Variants in FAM228B observed in about 807,000 individuals in gnomAD.
FAM228B encodes the protein family with sequence similarity 228 member B.
Under a neutral mutation model 42.6 loss-of-function variants are expected in FAM228B, and 38 were observed. The ratio of observed to expected loss-of-function variants is 0.89; its 90% CI spans 0.69 to 1.17. The LOEUF (loss-of-function observed/expected upper bound fraction) is 1.17, where lower values mean the gene tolerates loss of function less well. FAM228B is among the 50% of genes most tolerant of loss of function. The probability of loss-of-function intolerance (pLI) is 0.00; values close to 1 mark genes in which losing one functional copy is unlikely to be tolerated. For missense variants in FAM228B, 344 were observed against 367.3 expected (o/e 0.94, Z 0.52); for synonymous variants, 109 against 122.3 (o/e 0.89, Z 0.72).
intron 2 of FAM228B, chr2:24,087,239 CTCTTTCTT>C (rs1319624851): frequency 6.6e-6 from 1 of 152,070 alleles, no homozygotes; most frequent in Non-Finnish European, 1.5e-5. Flanking sequence ...GAATAAACAT[CTCTTTCTT>C]TCTTTTGTTT....
intron 5 of FAM228B, chr2:24,142,646 T>A (rs1377166512): frequency 6.6e-6 from 1 of 152,232 alleles, no homozygotes; most frequent in East Asian, 1.9e-4. Context: ...ACTATAGTTA[T>A]TAAGTCTTGG....
chr2:24,113,201 C>A (rs150466032), intron 3 of FAM228B, among the ~76,000 whole-genome samples: 14 of 152,212 alleles, frequency 9.2e-5, no homozygotes, highest in African/African-American at 2.9e-4. Flanking sequence ...AACAATACAT[C>A]TAAATACACT....
At chr2:24,102,292 A>G (rs1364771955) in intron 3 of FAM228B, among the ~76,000 whole-genome samples, 1 of 152,220 alleles carries the variant, frequency 6.6e-6, no homozygotes, top group African/African-American at 2.4e-5. Context: ...GACTTATCAA[A>G]TGCTTATTAA....
intron 2 of FAM228B, among the ~76,000 whole-genome samples, chr2:24,125,226 G>A (rs2339945): frequency 0.31 from 46,838 of 151,778 alleles, 7,650 homozygotes; most frequent in South Asian, 0.43. Flanking sequence ...ACAAACGAAC[G>A]AACAATAATA....
intron 2 of FAM228B, among the ~76,000 whole-genome samples, chr2:24,090,955 T>TTTTG (rs1022109601): frequency 6.6e-6 from 1 of 152,112 alleles, no homozygotes; most frequent in African/African-American, 2.4e-5. Context: ...CCCAGATAGT[T>TTTTG]TTTGTTTGTT....
At chr2:24,079,344 A>T (rs879107206) in intron 1 of FAM228B, 2 of 1,316,360 alleles carry the variant, frequency 1.5e-6, no homozygotes, top group South Asian at 2.9e-5. Context: ...ATAGAAACTA[A>T]CCTCCGTAAT....
chr2:24,117,824 TAAAGG>T (rs1225849751), intron 3 of FAM228B, among the ~76,000 whole-genome samples: 1 of 151,848 alleles, frequency 6.6e-6, no homozygotes, highest in Non-Finnish European at 1.5e-5. Context: ...TAAAAAGGAG[TAAAGG>T]AAACAAAAGT....
intron 5 of FAM228B, among the ~76,000 whole-genome samples, chr2:24,140,737 G>T (rs1666722746): frequency 6.6e-6 from 1 of 151,866 alleles, no homozygotes; most frequent in South Asian, 2.1e-4. Flanking sequence ...CAAGGCGGGT[G>T]GATCACCTGA....
chr2:24,142,030 G>A (rs1666764057), intron 5 of FAM228B, among the ~76,000 whole-genome samples: 1 of 152,230 alleles, frequency 6.6e-6, no homozygotes, highest in African/African-American at 2.4e-5. Flanking sequence ...CCCATGTCTG[G>A]CAGAGACTCC....
intron 2 of FAM228B, among the ~76,000 whole-genome samples, chr2:24,127,903 T>A (rs1012117306): frequency 2.0e-5 from 3 of 152,178 alleles, no homozygotes; most frequent in African/African-American, 7.2e-5. Context: ...CCTCAAGTGA[T>A]CCGCCTGCCT....
rs34362184 is a variant in FAM228B, at chr2:24,084,578, A to G, written c.-210+3623A>G. Reference sequence around the variant, plus strand: ...CGCCTCCAGACCGATCCCACCCGGAACACAGATGGGAACGGCGGGAAGTGG... The same window carrying G: ...CGCCTCCAGACCGATCCCACCCGGAGCACAGATGGGAACGGCGGGAAGTGG... On this transcript the variant is annotated intron_variant, in intron 2 of 10. Transcript: ENST00000613899. The surrounding 1 kb of genome is among the most constrained non-coding windows in gnomAD (Gnocchi z 8.4). 2.3e-6 allele frequency: 1 copy of G among 439,884 alleles called. No homozygotes were observed. The highest frequency in any genetic ancestry group is 3.8e-5 in the East Asian group (1 of 26,164). 27.2% of individuals were successfully genotyped at this position (439,884 alleles called of 1,614,324 possible).
Position 24,083,610 on chromosome 2 carries a change from G to C in FAM228B, c.-210+2655G>C, listed in dbSNP as rs552309888. Among the ~76,000 whole-genome samples, 4 of 152,288 alleles carry C rather than the reference G, an allele frequency of 2.6e-5. No homozygotes were observed. The South Asian group carries it at 8.3e-4, about 32-fold the overall frequency. On this transcript the variant is annotated intron_variant, in intron 2 of 10. Transcript: ENST00000613899. ...GTACACGTGCCTGGGCCCCCATCAC[G>C]TTTCTTTTGTGCCCCGGGGGATTCT...
At chr2:24,087,287 C>A (rs533820015) in intron 2 of FAM228B, 1 of 152,266 alleles carries the variant, frequency 6.6e-6, no homozygotes, top group East Asian at 1.9e-4. Flanking sequence ...TGCTACGTTG[C>A]CCAGGCTGAT....
upstream of FAM228B, among the ~76,000 whole-genome samples, chr2:24,120,618 C>T (rs780019842): frequency 3.3e-5 from 5 of 152,048 alleles, no homozygotes; most frequent in African/African-American, 4.8e-5. Context: ...TGCAATGGCA[C>T]GATCTCGGCT....
At chr2:24,108,857 C>T (rs146427465) in intron 3 of FAM228B, among the ~76,000 whole-genome samples, 5 of 149,650 alleles carry the variant, frequency 3.3e-5, no homozygotes, top group East Asian at 3.9e-4. Flanking sequence ...GCCGAGATTG[C>T]GCCACTGCAT....
At chr2:24,114,644 G>A (rs185892127) in intron 3 of FAM228B, among the ~76,000 whole-genome samples, 1 of 152,250 alleles carries the variant, frequency 6.6e-6, no homozygotes, top group East Asian at 1.9e-4. Flanking sequence ...AGTAGTCGAA[G>A]GTGGTCTCTC....
chr2:24,167,917 A>T, intron 10 of FAM228B: 1 of 436,738 alleles, frequency 2.3e-6, no homozygotes, highest in Non-Finnish European at 4.2e-6. Context: ...CTTCCAAGTG[A>T]TCTTCAGAGA....
chr2:24,091,310 G>T (rs529352488), intron 2 of FAM228B, among the ~76,000 whole-genome samples: 29 of 152,340 alleles, frequency 1.9e-4, no homozygotes, highest in African/African-American at 6.5e-4. Flanking sequence ...GCGGGCGCCA[G>T]TAGTCCCAGC....
In FAM228B at chr2:24,127,905, C is replaced by T. The variant is rs530209143; in HGVS notation, c.99+3445C>T. ...CTTGAACTCCTGGCCTCAAGTGATC[C>T]GCCTGCCTTGGCCTCCCAAAGTGAT... On this transcript the variant is annotated intron_variant, in intron 2 of 10. Coordinates refer to ENST00000615575, the MANE Select transcript of FAM228B (RefSeq NM_001145710.2). 7.2e-5 allele frequency among the ~76,000 whole-genome samples: 11 copies of T among 152,232 alleles called. No homozygotes were observed. The South Asian group carries it at 1.2e-3, about 17-fold the overall frequency.
Sources: allele counts gnomAD v4.1 joint callset (sites outside exome capture counted in the v4.1 genomes callset), GRCh38; gene constraint gnomAD v4.1.1; non-coding constraint Gnocchi (gnomAD v3.1); transcripts MANE v1.5; gene names NCBI Gene and HGNC (gene_info 2026-07-23, HGNC 2026-07-21).